The following PAH variants were observed in gnomAD, a reference collection of about 807,000 sequenced individuals.
PAH encodes the protein phenylalanine hydroxylase.
A neutral mutation model predicts 62.0 loss-of-function variants in PAH; 64 were observed. The observed-to-expected ratio is 1.03, with a 90% CI of 0.84 to 1.27. The LOEUF (loss-of-function observed/expected upper bound fraction) is 1.27. PAH is among the 50% of genes most tolerant of loss of function. The probability of loss-of-function intolerance (pLI) is 0.00; values close to 1 mark genes in which losing one functional copy is unlikely to be tolerated. For synonymous variants in PAH, 195 were observed against 196.2 expected, an observed-to-expected ratio of 0.99 and a Z score of 0.05; for missense variants, 579 against 542.8, an observed-to-expected ratio of 1.07 and a Z score of -0.66.
chr12:102,853,387 T>C (rs1565847269), intron 6 of PAH: 1 of 293,458 alleles, frequency 3.4e-6, no homozygotes, highest in Non-Finnish European at 6.6e-6. Context: ...ATAGAGTGCT[T>C]CCAGCTTCTG....
At chr12:102,841,553 T>C (rs1473503080) in intron 11 of PAH, among the ~76,000 whole-genome samples, 1 of 152,182 alleles carries the variant, frequency 6.6e-6, no homozygotes, top group African/African-American at 2.4e-5. Flanking sequence ...GGTACCTGCC[T>C]CAGGGGGTTG....
At chr12:102,920,564 T>C (rs1256750337), upstream of PAH, among the ~76,000 whole-genome samples, 1 of 152,238 alleles carries the variant, frequency 6.6e-6, no homozygotes, top group African/African-American at 2.4e-5. Flanking sequence ...CATGAGTTCA[T>C]GGCACAGAAA....
upstream of PAH, among the ~76,000 whole-genome samples, chr12:102,952,315 G>GT (rs150220069): frequency 1.8e-4 from 27 of 150,164 alleles, no homozygotes; most frequent in African/African-American, 4.1e-4. Flanking sequence ...TTTATTGTAA[G>GT]TTTTTTTTTT....
chr12:102,861,825 G>A (rs950608038), intron 5 of PAH, among the ~76,000 whole-genome samples: 2 of 152,138 alleles, frequency 1.3e-5, no homozygotes, highest in Admixed American at 1.3e-4. Flanking sequence ...ACACGGGCCT[G>A]TTGTGGGGTT....
intron 3 of PAH, among the ~76,000 whole-genome samples, chr12:102,880,849 G>A (rs1399251267): frequency 1.3e-5 from 2 of 151,902 alleles, no homozygotes; most frequent in Admixed American, 6.6e-5. Context: ...TGATGGGGAT[G>A]CTCTTTTTTA....
intron 1 of PAH, among the ~76,000 whole-genome samples, chr12:102,924,528 C>T (rs1005909936): frequency 2.0e-5 from 3 of 152,114 alleles, no homozygotes. Flanking sequence ...GCTAGTCTGT[C>T]CCTTTGGGTC....
In PAH at chr12:102,927,721, T is replaced by C. The variant is rs184986355; in HGVS notation, c.-95-10496A>G. On this transcript the variant is annotated intron_variant, in intron 1 of 3. Transcript: ENST00000546844. ...ATTTACACAATTAAGCTATGAATAA[T>C]TACTGATAAAAGATACAAAGCCTTG... is the stretch of plus-strand genomic sequence containing the variant. Among the ~76,000 whole-genome samples the C allele has an allele frequency of 2.4e-3, 368 of 152,234 alleles. 3 individuals carry two copies. Among genetic ancestry groups the C allele is most frequent in the African/African-American group, 7.8e-3 (323 of 41,560 alleles).
At chr12:102,856,583 C>G (rs1278996718) in intron 5 of PAH, among the ~76,000 whole-genome samples, 1 of 152,224 alleles carries the variant, frequency 6.6e-6, no homozygotes, top group Non-Finnish European at 1.5e-5. Flanking sequence ...AGGCACCCCC[C>G]AGCAGGGGCA....
intron 2 of PAH, among the ~76,000 whole-genome samples, chr12:102,899,727 C>T (rs942642769): frequency 2.9e-4 from 43 of 148,044 alleles, no homozygotes; most frequent in African/African-American, 1.0e-3. Context: ...GGCGTAGTGG[C>T]GGGCGCCTGT....
At chr12:102,886,879 A>G (rs1327074710) in intron 3 of PAH, among the ~76,000 whole-genome samples, 2 of 152,158 alleles carry the variant, frequency 1.3e-5, no homozygotes, top group South Asian at 2.1e-4. Context: ...TGGGCACTCA[A>G]TCAATATCGG....
At chr12:102,906,593 T>C (rs1245013745) in intron 2 of PAH, among the ~76,000 whole-genome samples, 3 of 152,220 alleles carry the variant, frequency 2.0e-5, no homozygotes, top group African/African-American at 7.2e-5. Context: ...ACAAAATATA[T>C]ATATAGTAAT....
At chr12:102,897,439 ACT>A (rs1169101984) in intron 2 of PAH, among the ~76,000 whole-genome samples, 12 of 135,786 alleles carry the variant, frequency 8.8e-5, no homozygotes, top group African/African-American at 3.3e-4. Context: ...TTTCATATTA[ACT>A]CTCATATATA....
At chr12:102,839,312 C>T (rs1234222523) in intron 12 of PAH, 94 bp from the exon 13 acceptor site, 11 of 1,237,488 alleles carry the variant, frequency 8.9e-6, no homozygotes, top group Non-Finnish European at 1.2e-5. Context: ...GATAAGTGGG[C>T]TTCTTGGATG....
At chr12:102,865,668 CA>C (rs1875923513) in intron 5 of PAH, among the ~76,000 whole-genome samples, 1 of 152,192 alleles carries the variant, frequency 6.6e-6, no homozygotes, top group African/African-American at 2.4e-5. Context: ...ATCCAAGGCC[CA>C]GATGGGCTTA....
upstream of PAH, among the ~76,000 whole-genome samples, chr12:102,951,987 C>T (rs1879776046): frequency 6.6e-6 from 1 of 152,052 alleles, no homozygotes; most frequent in Admixed American, 6.5e-5. Flanking sequence ...CAAACTCCAG[C>T]GTCCAGTTGT....
Position 102,895,076 on chromosome 12 carries a change from G to C in PAH, c.169-158C>G, listed in dbSNP as rs187916530. On this transcript the variant is annotated intron_variant, in intron 2 of 12. Coordinates refer to ENST00000553106, the MANE Select transcript of PAH (RefSeq NM_000277.3). Reference sequence around the variant, plus strand: ...TAAAAAAGTCCTTAAATTTGCAAAAGTTGTTTACTTTTTCTTCTTTAAAAC... The same window carrying C: ...TAAAAAAGTCCTTAAATTTGCAAAACTTGTTTACTTTTTCTTCTTTAAAAC... Among the ~76,000 whole-genome samples the C allele has an allele frequency of 4.5e-3, 684 of 152,280 alleles. 2 individuals are homozygous for C. Among genetic ancestry groups the C allele is most frequent in the Middle Eastern group, 0.024 (7 of 294 alleles).
intron 1 of PAH, among the ~76,000 whole-genome samples, chr12:102,956,013 C>A (rs1326847123): frequency 6.6e-6 from 1 of 152,166 alleles, no homozygotes; most frequent in African/African-American, 2.4e-5. Flanking sequence ...CCACCATCAT[C>A]ACTATTGTTC....
intron 6 of PAH, chr12:102,853,374 TGG>T: frequency 8.2e-5 from 25 of 306,626 alleles, no homozygotes; most frequent in South Asian, 2.5e-4. Flanking sequence ...GGGAAGAGTA[TGG>T]ATAGAGTGCT....
intron 7 of PAH, 122 bp from the exon 8 acceptor site, chr12:102,851,878 T>C (rs2136645105): frequency 1.3e-6 from 1 of 744,510 alleles, no homozygotes; most frequent in South Asian, 1.5e-5. Flanking sequence ...TTATGATCCC[T>C]CTCCCAGGAA....
Sources: gnomAD v4.1 joint callset for allele counts (sites outside exome capture counted in the v4.1 genomes callset) on GRCh38, gnomAD v4.1.1 for gene constraint, MANE v1.5 for transcripts, NCBI Gene and HGNC (gene_info 2026-07-23, HGNC 2026-07-21) for gene names.